The following RP1 variants were observed in gnomAD, a reference collection of about 807,000 sequenced individuals.
RP1 encodes RP1 axonemal microtubule associated, also known as oxygen-regulated protein 1.
Under a neutral mutation model 14.8 loss-of-function variants are expected in RP1, and 16 were observed. That is an observed-to-expected ratio of 1.08 (90% confidence interval 0.73 to 1.65). The LOEUF (loss-of-function observed/expected upper bound fraction) is 1.65, where lower values mean the gene tolerates loss of function less well. RP1 is among the 40% of genes most tolerant of loss of function. The pLI, the probability that RP1 is intolerant of heterozygous loss-of-function variation, is 0.00. For missense variants in RP1, 2,631 were observed against 2,535.0 expected (o/e 1.04, Z -0.81); for synonymous variants, 876 against 883.6 (o/e 0.99, Z 0.15).
At chr8:54,741,034 C>T (rs908472997) in intron 19 of RP1, among the ~76,000 whole-genome samples, 2 of 142,938 alleles carry the variant, frequency 1.4e-5, no homozygotes, top group African/African-American at 2.6e-5. Context: ...GAGACTTTGT[C>T]TCAAAAAAAA....
At chr8:54,769,715 C>T (rs1809855619) in intron 22 of RP1, 1 of 1,414,612 alleles carries the variant, frequency 7.1e-7, no homozygotes. Context: ...CTCTCTCTTT[C>T]TTTCTCTCTC....
chr8:54,865,840 G>A (rs1176078844), exon 28 of RP1: 22 of 1,215,756 alleles, frequency 1.8e-5, no homozygotes, highest in African/African-American at 1.6e-5. Flanking sequence ...CACAGGTAAT[G>A]GATGGTTTCT....
At chr8:54,603,164 GT>G (rs1805335097) in intron 1 of RP1, among the ~76,000 whole-genome samples, 1 of 152,082 alleles carries the variant, frequency 6.6e-6, no homozygotes, top group African/African-American at 2.4e-5. Flanking sequence ...GGTTTTTATG[GT>G]TTTAGGTCTA....
intron 1 of RP1, among the ~76,000 whole-genome samples, chr8:54,606,326 T>C (rs1028003153): frequency 9.9e-5 from 15 of 152,152 alleles, no homozygotes; most frequent in East Asian, 7.7e-4. Flanking sequence ...TGATATGAAA[T>C]TCTGAGTTGA....
intron 12 of RP1, chr8:54,697,002 T>A (rs1807882324): frequency 1.4e-6 from 2 of 1,412,604 alleles, no homozygotes; most frequent in South Asian, 1.1e-5. Flanking sequence ...TTCCAGGAGA[T>A]CTCATGGTTC....
chr8:54,863,589 T>C (rs1052891837), intron 27 of RP1, among the ~76,000 whole-genome samples: 1 of 152,238 alleles, frequency 6.6e-6, no homozygotes, highest in Non-Finnish European at 1.5e-5. Context: ...GATCATCAAT[T>C]GTACTACCAC....
At chr8:54,697,816 G>T (rs1807908796) in intron 12 of RP1, among the ~76,000 whole-genome samples, 1 of 152,172 alleles carries the variant, frequency 6.6e-6, no homozygotes, top group Non-Finnish European at 1.5e-5. Flanking sequence ...AATAAATGGT[G>T]CTGGGAAAAC....
At chr8:54,755,807 A>G in intron 21 of RP1, 3 of 1,410,376 alleles carry the variant, frequency 2.1e-6, no homozygotes, top group Non-Finnish European at 2.8e-6. Context: ...ATTCTTAACA[A>G]TCTCTCTGAA....
At chr8:54,819,360 C>T (rs905218340) in intron 24 of RP1, among the ~76,000 whole-genome samples, 5 of 151,902 alleles carry the variant, frequency 3.3e-5, no homozygotes, top group African/African-American at 1.2e-4. Flanking sequence ...ATACTGAATT[C>T]CTTCTATCAG....
At chr8:54,796,439 C>T (rs542477226) in intron 24 of RP1, among the ~76,000 whole-genome samples, 1 of 152,240 alleles carries the variant, frequency 6.6e-6, no homozygotes, top group African/African-American at 2.4e-5. Flanking sequence ...TCCTTGATAC[C>T]TGTGAATATG....
intron 8 of RP1, among the ~76,000 whole-genome samples, chr8:54,676,050 C>T (rs1203674264): frequency 6.6e-6 from 1 of 152,014 alleles, no homozygotes; most frequent in Non-Finnish European, 1.5e-5. Context: ...ACTCATCCCA[C>T]TCATGAGGGC....
intron 24 of RP1, among the ~76,000 whole-genome samples, chr8:54,819,571 C>A (rs929277354): frequency 6.6e-6 from 1 of 152,110 alleles, no homozygotes; most frequent in Admixed American, 6.5e-5. Flanking sequence ...TCATTCTAAT[C>A]TTCACAGTCT....
In RP1 at chr8:54,605,619, G is replaced by T. The variant is rs543033644; in HGVS notation, c.-12-15336G>T. ...TGTTAACTTTCTGTCTCGTTGATCT[G>T]TCTAATGCTGACAGTGGGGTGTTAA... On this transcript the variant is annotated intron_variant, in intron 1 of 22. Transcript: ENST00000636932. 1.2e-4 allele frequency among the ~76,000 whole-genome samples: 18 copies of T among 152,214 alleles called. No individual in the cohort carries two copies. The South Asian group carries it at 3.5e-3, about 30-fold the overall frequency.
rs759707324 is a variant in RP1 at position 54,627,223 on chromosome 8, G to A, written c.3341G>A (p.Gly1114Asp). Residue 1114 changes from glycine to aspartate, a missense_variant, in exon 4 of 4, where the codon GGT becomes GAT. Transcript: ENST00000220676. ...GVVQMPGSLA[G>D]VPFHSAICNS... ...GTTCAAATGCCAGGTTCACTTGCAG[G>A]TGTTCCCTTTCATTCTGCAATATGT... The A allele has an allele frequency of 8.7e-6, 14 of 1,613,940 alleles. No homozygotes were observed. The highest frequency in any genetic ancestry group is 1.2e-5 in the Non-Finnish European group (14 of 1,179,984).
At chr8:54,569,634 A>G (rs779789100) in intron 1 of RP1, among the ~76,000 whole-genome samples, 4 of 152,182 alleles carry the variant, frequency 2.6e-5, no homozygotes, top group Admixed American at 6.5e-5. Context: ...ACTTTTTCCC[A>G]GAAGTTTTTA....
At chr8:54,635,403 C>G (rs1010884970), downstream of RP1, among the ~76,000 whole-genome samples, 1 of 152,010 alleles carries the variant, frequency 6.6e-6, no homozygotes, top group South Asian at 2.1e-4. Context: ...TCAATACAAC[C>G]AAGTAAATTA....
chr8:54,754,603 G>A (rs1379096377), intron 19 of RP1, among the ~76,000 whole-genome samples: 1 of 152,050 alleles, frequency 6.6e-6, no homozygotes, highest in African/African-American at 2.4e-5. Flanking sequence ...AAGTAATTGT[G>A]GTTTTGTCAT....
chr8:54,856,185 C>A (rs1173430764), intron 26 of RP1, among the ~76,000 whole-genome samples: 1 of 152,058 alleles, frequency 6.6e-6, no homozygotes, highest in East Asian at 1.9e-4. Flanking sequence ...ATGACACAAG[C>A]CAGGTGGAGC....
At chr8:54,774,140 C>T (rs953245438), downstream of RP1, among the ~76,000 whole-genome samples, 1 of 152,180 alleles carries the variant, frequency 6.6e-6, no homozygotes, top group African/African-American at 2.4e-5. Context: ...TCCGATCATT[C>T]AGGGTACAAT....
Sources: gnomAD v4.1 joint callset for allele counts (sites outside exome capture counted in the v4.1 genomes callset) on GRCh38, gnomAD v4.1.1 for gene constraint, MANE v1.5 for transcripts, NCBI Gene and HGNC (gene_info 2026-07-23, HGNC 2026-07-21) for gene names.